SEMA3B: variants seen among roughly 807,000 people sequenced by gnomAD.
The protein encoded by SEMA3B is semaphorin-3B.
SEMA3B carries 71 observed loss-of-function variants against 77.8 expected under a neutral mutation model. That is an observed-to-expected ratio of 0.91 (90% CI 0.75 to 1.11). SEMA3B has a LOEUF of 1.11. Ranked by LOEUF, SEMA3B falls within the 50% of genes most tolerant of loss-of-function variation. The pLI is 0.00. For synonymous variants in SEMA3B, 470 were observed against 452.9 expected (o/e 1.04, Z -0.48); for missense variants, 968 against 1,056.8 (o/e 0.92, Z 1.17).
At position 50,270,111 on chromosome 3, in the gene SEMA3B, G is replaced by A. The variant is rs782618996; in HGVS notation, c.110-16G>A. The A allele has an allele frequency of 6.5e-7, 1 of 1,530,262 alleles. No homozygotes were observed. Among genetic ancestry groups the A allele is most frequent in the Non-Finnish European group, 8.8e-7 (1 of 1,136,698 alleles). The allele number at this position is 1,530,262 out of a possible 1,614,324, so 94.8% of individuals were successfully genotyped here. A position where few individuals can be genotyped will look rare whatever the true frequency, so the allele number is the denominator to read the frequency against. ...CAGCATGGCTGGCGAGTCATCAGCA[G>A]TGTCCTGCCCTGCAGAGCTCCAGGC... On this transcript the variant is annotated splice_polypyrimidine_tract_variant and intron_variant, in intron 1 of 16. Transcript: ENST00000616701. This position sits in a 1 kb window ranked among gnomAD's most constrained non-coding sequence, Gnocchi z 4.7.
At position 50,277,278 on chromosome 3, in the gene SEMA3B, C is replaced by T. The variant is rs151171259; in HGVS notation, c.*572C>T. On this transcript the variant is annotated 3_prime_UTR_variant, in exon 17 of 17. Coordinates refer to ENST00000616701, the MANE Select transcript of SEMA3B (RefSeq NM_001290060.2). The stretch of plus-strand genomic sequence containing the variant: ...AGGATTAAAGGTGGTTCCGGCCAGG[C>T]GCGGTGGCTCACGCCTGTAATCCCA... 2.3e-3 allele frequency: 344 copies of T among 152,422 alleles called. 2 individuals are homozygous for T. Among genetic ancestry groups the T allele is most frequent in the Admixed American group, 2.9e-3 (45 of 15,292 alleles). 9.4% of individuals were successfully genotyped at this position (152,422 alleles called of 1,614,324 possible). A position where few individuals can be genotyped will look rare whatever the true frequency, so the allele number is the denominator to read the frequency against.
Position 50,274,437 on chromosome 3 carries a change from C to G in SEMA3B, c.1212C>G (p.Asn404Lys). 1 of 1,524,160 alleles carries G rather than the reference C, an allele frequency of 6.6e-7. No homozygotes were observed. Among genetic ancestry groups the G allele is most frequent in the Non-Finnish European group, 8.8e-7 (1 of 1,136,632 alleles). The allele number at this position is 1,524,160 out of a possible 1,614,324, so 94.4% of individuals were successfully genotyped here. ...ACGATGTCATCCAGTTTGCGCGGAA[C>G]CACCCCCTCATGTACAACTCTGTCC... ...FPDDVIQFAR[N>K]HPLMYNSVLP... Residue 404 changes from asparagine (N) to lysine (K), a missense_variant, in exon 11 of 17, where the codon AAC (asparagine) becomes AAG (lysine). By Grantham distance (94) the Asn-to-Lys change is moderately conservative. Coordinates refer to ENST00000616701, the MANE Select transcript of SEMA3B (RefSeq NM_001290060.2). This position sits in a 1 kb window ranked among gnomAD's most constrained non-coding sequence, Gnocchi z 4.7.
At position 50,269,733 on chromosome 3, in the gene SEMA3B, G is replaced by A. The variant is rs1700994106; in HGVS notation, c.109+384G>A. Among the ~76,000 whole-genome samples, 1 of 152,222 alleles carries A rather than the reference G, an allele frequency of 6.6e-6. No individual in the cohort carries two copies. The highest frequency in any genetic ancestry group is 2.1e-4 in the South Asian group (1 of 4,830). Reference sequence around the variant, plus strand: ...GGCAGTGAATAGGCAGTTCTGCTGAGCTCAGGCTGGTGGTGGAGTGGCAGG... The same window carrying A: ...GGCAGTGAATAGGCAGTTCTGCTGAACTCAGGCTGGTGGTGGAGTGGCAGG... On this transcript the variant is annotated intron_variant, in intron 1 of 16. Transcript: ENST00000616701. This position sits in a 1 kb window ranked among gnomAD's most constrained non-coding sequence, Gnocchi z 4.0.
At chr3:50,268,527 T>C (rs587646578), upstream of SEMA3B, among the ~76,000 whole-genome samples, 6 of 152,344 alleles carry the variant, frequency 3.9e-5, no homozygotes, top group South Asian at 1.2e-3. Flanking sequence ...ATGTGCAATA[T>C]GACACACTAT....
chr3:50,268,588 C>T (rs932325810), upstream of SEMA3B, among the ~76,000 whole-genome samples: 1 of 152,208 alleles, frequency 6.6e-6, no homozygotes, highest in Non-Finnish European at 1.5e-5. Flanking sequence ...TACACACATG[C>T]GCACATCACA....
In SEMA3B at chr3:50,270,507, C is replaced by T; in HGVS notation, c.330+12C>T. On this transcript the variant is annotated intron_variant, in intron 3 of 16. Transcript: ENST00000616701. This position sits in a 1 kb window ranked among gnomAD's most constrained non-coding sequence, Gnocchi z 4.7. ...GGAAGGACATTGGTGTGAGTGCCAG[C>T]TGCCCGGGCCGGGAGTGGGGAGGGT... 6.2e-7 allele frequency: 1 copy of T among 1,613,448 alleles called. No homozygotes were observed. Among genetic ancestry groups the T allele is most frequent in the Non-Finnish European group, 8.5e-7 (1 of 1,179,858 alleles).
upstream of SEMA3B, among the ~76,000 whole-genome samples, chr3:50,263,516 A>G (rs1256291244): frequency 6.6e-6 from 1 of 150,882 alleles, no homozygotes; most frequent in Non-Finnish European, 1.5e-5. Context: ...AAAAAAAAAA[A>G]AAAAAAAAAG....
rs1181175304 is a variant in SEMA3B at position 50,273,455 on chromosome 3, C to T, written c.810+12C>T. 6.2e-7 allele frequency: 1 copy of T among 1,612,206 alleles called. No individual in the cohort carries two copies. The highest frequency in any genetic ancestry group is 8.5e-7 in the Non-Finnish European group (1 of 1,178,882). ...GCCAGATCTGCCGGGTGAGGAGTCC[C>T]TGGGCCACACCCGGCGACCCTGCCC... On this transcript the variant is annotated intron_variant, in intron 7 of 16. Transcript: ENST00000616701. The surrounding 1 kb of genome is among the most constrained non-coding windows in gnomAD (Gnocchi z 6.5).
rs1553706126 is a variant in SEMA3B, at chr3:50,274,521, A to G, written c.1296A>G (p.Gln432=). 1 of 1,572,574 alleles carries G rather than the reference A, an allele frequency of 6.4e-7. No individual in the cohort carries two copies. The change falls in exon 11 of 17, where the codon CAA becomes CAG. Residue 432 remains glutamine (Q), a synonymous_variant. Transcript: ENST00000616701. The surrounding 1 kb of genome is among the most constrained non-coding windows in gnomAD (Gnocchi z 4.7). ...TTGGAGCCAATTACACCTTCACTCA[A>G]ATTGCCGCGGACCGGGTTGCAGCCG... ...LQVGANYTFT[Q]IAADRVAAAD...
upstream of SEMA3B, among the ~76,000 whole-genome samples, chr3:50,263,843 C>T (rs1427653217): frequency 3.9e-5 from 6 of 152,040 alleles, no homozygotes; most frequent in African/African-American, 1.4e-4. Flanking sequence ...GAACCCTGGG[C>T]ACAGAGGGTT....
In SEMA3B at chr3:50,270,977, T is replaced by C. The variant is rs1553705242; in HGVS notation, c.418T>C (p.Cys140Arg). The change falls in exon 4 of 17, where the codon TGT becomes CGT. Residue 140 changes from cysteine (C) to arginine (R), a missense_variant. By Grantham distance (180) the Cys-to-Arg change is radical. Transcript: ENST00000616701. The surrounding 1 kb of genome is among the most constrained non-coding windows in gnomAD (Gnocchi z 4.7). ...ACGTGAFHPTCAFVEVGHRAE... is the reference protein window; with the variant it reads ...ACGTGAFHPTRAFVEVGHRAE... ...TGGCACGGGAGCCTTCCACCCAACC[T>C]GTGCCTTTGTGGAAGTGGGCCACCG... is the stretch of plus-strand genomic sequence containing the variant. The C allele has an allele frequency of 6.2e-7, 1 of 1,609,342 alleles. No individual in the cohort carries two copies. The highest frequency in any genetic ancestry group is 1.7e-5 in the Admixed American group (1 of 59,318).
At chr3:50,264,152 A>G (rs9839427), upstream of SEMA3B, among the ~76,000 whole-genome samples, 79,275 of 151,874 alleles carry the variant, frequency 0.52, 24,117 homozygotes, top group African/African-American at 0.82. Context: ...TGAGGCTGCC[A>G]TGAGCCATGA....
upstream of SEMA3B, chr3:50,267,572 GGCGGGCGGT>G (rs1258872335): frequency 6.6e-6 from 1 of 152,296 alleles, no homozygotes; most frequent in Non-Finnish European, 1.5e-5. This position sits in a 1 kb window ranked among gnomAD's most constrained non-coding sequence, Gnocchi z 5.7. Context: ...TTTACGGCAC[GGCGGGCGGT>G]GCGTGGGGCG....
chr3:50,267,622 T>C (rs1488777792), upstream of SEMA3B: 1 of 152,136 alleles, frequency 6.6e-6, no homozygotes, highest in Non-Finnish European at 1.5e-5. This position sits in a 1 kb window ranked among gnomAD's most constrained non-coding sequence, Gnocchi z 5.7. Context: ...GGGGGCTGCT[T>C]CTTAAAGGAG....
chr3:50,274,086 C>G lies in SEMA3B; in HGVS notation c.1137+29C>G. The G allele has an allele frequency of 6.2e-7, 1 of 1,607,874 alleles. No homozygotes were observed. The highest frequency in any genetic ancestry group is 2.2e-5 in the East Asian group (1 of 44,830). The stretch of plus-strand genomic sequence containing the variant: ...CGTAGCCCAGGGACTTCTGCTACAA[C>G]CCACTTCAAAGCCTCAAGGGTTTGA... On this transcript the variant is annotated intron_variant, in intron 10 of 16. Transcript: ENST00000616701. This position sits in a 1 kb window ranked among gnomAD's most constrained non-coding sequence, Gnocchi z 4.7.
intron 6 of SEMA3B, 114 bp downstream of exon 6, chr3:50,271,594 C>A: frequency 7.0e-7 from 1 of 1,432,834 alleles, no homozygotes; most frequent in African/African-American, 1.4e-5. Context: ...TACCAAATAC[C>A]CTCCTTAATC....
At position 50,270,103 on chromosome 3, in the gene SEMA3B, C is replaced by A; in HGVS notation, c.110-24C>A. Reference sequence around the variant, plus strand: ...GAGGCTTCCAGCATGGCTGGCGAGTCATCAGCAGTGTCCTGCCCTGCAGAG... The same window carrying A: ...GAGGCTTCCAGCATGGCTGGCGAGTAATCAGCAGTGTCCTGCCCTGCAGAG... On this transcript the variant is annotated intron_variant, in intron 1 of 16. Coordinates refer to ENST00000616701, the MANE Select transcript of SEMA3B (RefSeq NM_001290060.2). The surrounding 1 kb of genome is among the most constrained non-coding windows in gnomAD (Gnocchi z 4.7). 6.6e-7 allele frequency: 1 copy of A among 1,518,518 alleles called. No individual in the cohort carries two copies. Among genetic ancestry groups the A allele is most frequent in the South Asian group, 1.2e-5 (1 of 81,240 alleles). 94.1% of individuals were successfully genotyped at this position (1,518,518 alleles called of 1,614,324 possible).
rs781887439 is a variant in SEMA3B at position 50,274,079 on chromosome 3, G to A, written c.1137+22G>A. 8 of 1,609,096 alleles carry A rather than the reference G, an allele frequency of 5.0e-6. No individual in the cohort carries two copies. The highest frequency in any genetic ancestry group is 6.8e-6 in the Non-Finnish European group (8 of 1,178,624). On this transcript the variant is annotated intron_variant, in intron 10 of 16. Coordinates refer to ENST00000616701, the MANE Select transcript of SEMA3B (RefSeq NM_001290060.2). This position sits in a 1 kb window ranked among gnomAD's most constrained non-coding sequence, Gnocchi z 4.7. ...CATGGTTCGTAGCCCAGGGACTTCT[G>A]CTACAACCCACTTCAAAGCCTCAAG...
At chr3:50,263,970 G>A (rs1700863555), upstream of SEMA3B, among the ~76,000 whole-genome samples, 1 of 152,088 alleles carries the variant, frequency 6.6e-6, no homozygotes, top group Non-Finnish European at 1.5e-5. Context: ...GGCCAAGGCA[G>A]GAGGACTGCT....
Sources: gnomAD v4.1 joint callset for allele counts (sites outside exome capture counted in the v4.1 genomes callset) on GRCh38, gnomAD v4.1.1 for gene constraint, Gnocchi (gnomAD v3.1) non-coding constraint, MANE v1.5 for transcripts, NCBI Gene and HGNC (gene_info 2026-07-23, HGNC 2026-07-21) for gene names.